Variants in ZDHHC3 observed in about 807,000 individuals in gnomAD.
ZDHHC3 encodes zDHHC palmitoyltransferase 3.
A neutral mutation model predicts 30.6 loss-of-function variants in ZDHHC3; 9 were observed. That is an observed-to-expected ratio of 0.29 (90% CI 0.18 to 0.51). The LOEUF is 0.51. ZDHHC3 is among the 20% of genes least tolerant of loss of function. The pLI is 0.97. For synonymous variants in ZDHHC3, 136 were observed against 140.2 expected (o/e 0.97, Z 0.21); for missense variants, 246 against 384.2 (o/e 0.64, Z 3.01).
At chr3:44,941,907 T>C (rs1039899259) in intron 3 of ZDHHC3, among the ~76,000 whole-genome samples, 66 of 152,370 alleles carry the variant, frequency 4.3e-4, no homozygotes, top group African/African-American at 1.5e-3. Flanking sequence ...CCAAATGCCA[T>C]GGCCATCCAC....
chr3:44,957,241 CT>C (rs1704030597), intron 2 of ZDHHC3, among the ~76,000 whole-genome samples: 1 of 152,178 alleles, frequency 6.6e-6, no homozygotes, highest in Non-Finnish European at 1.5e-5. Context: ...CCAAAATACC[CT>C]GTTCAATCAT....
intron 2 of ZDHHC3, among the ~76,000 whole-genome samples, chr3:44,951,836 T>A (rs956155145): frequency 6.6e-6 from 1 of 152,168 alleles, no homozygotes; most frequent in African/African-American, 2.4e-5. Flanking sequence ...AGCCCTTGTC[T>A]TCCTTGGGGT....
Position 44,921,253 on chromosome 3 carries a change from G to A in ZDHHC3, c.*5436C>T. 1.0e-6 allele frequency: 1 copy of A among 985,388 alleles called. No homozygotes were observed. The highest frequency in any genetic ancestry group is 5.2e-4 in the Middle Eastern group (1 of 1,914). The allele number at this position is 985,388 out of a possible 1,614,324, so 61.0% of individuals were successfully genotyped here. A position where few individuals can be genotyped will look rare whatever the true frequency, so the allele number is the denominator to read the frequency against. ...AGGAAGGAAGAGTCTGTGCAGAACA[G>A]ACTCAGCTGAGCCCCACAGAACGAG... On this transcript the variant is annotated 3_prime_UTR_variant, in exon 7 of 7. Coordinates refer to ENST00000424952, the MANE Select transcript of ZDHHC3 (RefSeq NM_001135179.2).
At position 44,917,954 on chromosome 3, in the gene ZDHHC3, T is replaced by C. The variant is rs1272552354; in HGVS notation, c.*8735A>G. The C allele has an allele frequency of 5.4e-6, 7 of 1,305,266 alleles. No individual in the cohort carries two copies. The highest frequency in any genetic ancestry group is 6.1e-6 in the Non-Finnish European group (6 of 988,972). The allele number at this position is 1,305,266 out of a possible 1,614,324, so 80.9% of individuals were successfully genotyped here. On this transcript the variant is annotated 3_prime_UTR_variant, in exon 7 of 7. Transcript: ENST00000424952. ...TTTGTCTCCTCTGATGGATCCTCCA[T>C]TGTTTCGGTGTCTGACAGCGATGTC...
At chr3:44,954,722 T>C (rs575243111) in intron 2 of ZDHHC3, among the ~76,000 whole-genome samples, 1 of 152,286 alleles carries the variant, frequency 6.6e-6, no homozygotes, top group East Asian at 1.9e-4. Context: ...TGTGTAACAC[T>C]TGGCTTTGAG....
In ZDHHC3 at chr3:44,926,126, CAG is replaced by C. The variant is rs1700967241; in HGVS notation, c.*561_*562del. 1.0e-6 allele frequency: 1 copy of C among 985,868 alleles called. No homozygotes were observed. The highest frequency in any genetic ancestry group is 1.1e-4 in the East Asian group (1 of 8,818). The allele number at this position is 985,868 out of a possible 1,614,324, so 61.1% of individuals were successfully genotyped here. A position where few individuals can be genotyped will look rare whatever the true frequency, so the allele number is the denominator to read the frequency against. On this transcript the variant is annotated 3_prime_UTR_variant, in exon 7 of 7. Transcript: ENST00000424952. ...GGCAGGCAATTGCTTTGCGAGTTAG[CAG>C]GCAAACCGTGTCCACTTGGGGGATG...
intron 3 of ZDHHC3, among the ~76,000 whole-genome samples, chr3:44,940,639 T>C (rs533023922): frequency 6.6e-6 from 1 of 152,252 alleles, no homozygotes; most frequent in East Asian, 1.9e-4. Flanking sequence ...CCAGGCCCCT[T>C]CTATGTTTCT....
intron 2 of ZDHHC3, among the ~76,000 whole-genome samples, chr3:44,953,565 T>C (rs150620237): frequency 2.0e-5 from 3 of 152,316 alleles, no homozygotes; most frequent in African/African-American, 7.2e-5. Context: ...TTCAGGGCCA[T>C]GGGATCAAAG....
At chr3:44,972,405 G>T (rs1705476506) in intron 1 of ZDHHC3, among the ~76,000 whole-genome samples, 1 of 152,224 alleles carries the variant, frequency 6.6e-6, no homozygotes, top group South Asian at 2.1e-4. Flanking sequence ...GGAGGTTGCG[G>T]TGAGCAGAGA....
At chr3:44,950,186 C>T (rs1703319044) in intron 2 of ZDHHC3, among the ~76,000 whole-genome samples, 1 of 152,116 alleles carries the variant, frequency 6.6e-6, no homozygotes, top group Non-Finnish European at 1.5e-5. Flanking sequence ...CTGTGTGGAT[C>T]CTAAAACCAG....
rs1464228313 is a variant in ZDHHC3 at position 44,924,564 on chromosome 3, A to T, written c.*2125T>A. On this transcript the variant is annotated 3_prime_UTR_variant, in exon 7 of 7. Coordinates refer to ENST00000424952, the MANE Select transcript of ZDHHC3 (RefSeq NM_001135179.2). ...AGGAGGAGTTTCTATTTTTAGGACT[A>T]AAAAAAAGTCAGTGCATCTTCAGCA... 1 of 984,504 alleles carries T rather than the reference A, an allele frequency of 1.0e-6. No homozygotes were observed. 61.0% of individuals were successfully genotyped at this position (984,504 alleles called of 1,614,324 possible). A position where few individuals can be genotyped will look rare whatever the true frequency, so the allele number is the denominator to read the frequency against.
At chr3:44,956,216 C>T in intron 2 of ZDHHC3, among the ~76,000 whole-genome samples, 1 of 152,226 alleles carries the variant, frequency 6.6e-6, no homozygotes, top group Non-Finnish European at 1.5e-5. Context: ...GCCCAACATC[C>T]AGTTCCCTGT....
intron 1 of ZDHHC3, among the ~76,000 whole-genome samples, chr3:44,968,286 A>T (rs755279697): frequency 6.6e-6 from 1 of 152,166 alleles, no homozygotes; most frequent in Non-Finnish European, 1.5e-5. Flanking sequence ...GGGATGGACT[A>T]GGATCTCTAA....
At chr3:44,928,447 C>A (rs919293534) in intron 6 of ZDHHC3, among the ~76,000 whole-genome samples, 1 of 152,160 alleles carries the variant, frequency 6.6e-6, no homozygotes, top group East Asian at 1.9e-4. Flanking sequence ...AGCCCTAGAC[C>A]ACTGGTGAAA....
intron 2 of ZDHHC3, among the ~76,000 whole-genome samples, chr3:44,955,231 C>T (rs550480593): frequency 1.4e-4 from 22 of 152,250 alleles, no homozygotes; most frequent in Non-Finnish European, 3.1e-4. Context: ...ATTTCTCAAA[C>T]GGCTGTCTCA....
Position 44,922,538 on chromosome 3 carries a change from G to A in ZDHHC3, c.*4151C>T, listed in dbSNP as rs1397094608. 4.1e-6 allele frequency: 4 copies of A among 985,274 alleles called. No individual in the cohort carries two copies. The highest frequency in any genetic ancestry group is 6.1e-5 in the Admixed American group (1 of 16,266). The allele number at this position is 985,274 out of a possible 1,614,324, so 61.0% of individuals were successfully genotyped here. A position where few individuals can be genotyped will look rare whatever the true frequency, so the allele number is the denominator to read the frequency against. On this transcript the variant is annotated 3_prime_UTR_variant, in exon 7 of 7. Transcript: ENST00000424952. ...AAGGCAGTCTCAGTGGCTTCTCCGC[G>A]GAGGGAACACGTGCCTGTCTCACAA... is the stretch of plus-strand genomic sequence containing the variant.
intron 2 of ZDHHC3, among the ~76,000 whole-genome samples, chr3:44,953,309 CTTTAT>C (rs946687181): frequency 3.9e-5 from 6 of 152,184 alleles, no homozygotes; most frequent in African/African-American, 9.7e-5. Flanking sequence ...TTGGAAAAAA[CTTTAT>C]TTTAATTGCC....
intron 1 of ZDHHC3, among the ~76,000 whole-genome samples, chr3:44,961,587 C>T (rs968895925): frequency 1.9e-4 from 29 of 152,078 alleles, no homozygotes; most frequent in Non-Finnish European, 3.1e-4. Context: ...AGTAGAAGAT[C>T]GGAGATCAGG....
intron 2 of ZDHHC3, chr3:44,958,534 A>C (rs1032979863): frequency 6.8e-7 from 1 of 1,474,646 alleles, no homozygotes; most frequent in Admixed American, 2.0e-5. Flanking sequence ...GCAGCTTGGC[A>C]TATTTAGCTA....
Sources: allele counts gnomAD v4.1 joint callset (sites outside exome capture counted in the v4.1 genomes callset), GRCh38; gene constraint gnomAD v4.1.1; transcripts MANE v1.5; gene names NCBI Gene and HGNC (gene_info 2026-07-23, HGNC 2026-07-21).